PHF24: variants seen among roughly 807,000 people sequenced by gnomAD.
The protein encoded by PHF24 is PHD finger protein 24.
In PHF24, 25 loss-of-function variants were observed where a neutral mutation model predicts 42.6. The observed-to-expected ratio is 0.59, with a 90% CI of 0.43 to 0.82. The LOEUF is 0.82. Among genes scored for constraint, PHF24 ranks in the 40% least tolerant of loss-of-function variants. The probability of loss-of-function intolerance (pLI) is 0.00; values close to 1 mark genes in which losing one functional copy is unlikely to be tolerated. For missense variants in PHF24, 470 were observed against 538.1 expected, an observed-to-expected ratio of 0.87 and a Z score of 1.25; for synonymous variants, 185 against 204.8, an observed-to-expected ratio of 0.90 and a Z score of 0.83.
At chr9:34,697,831 TTC>T in the PHF24 span, among the ~76,000 whole-genome samples, 1 of 152,238 alleles carries the variant, frequency 6.6e-6, no homozygotes, top group Non-Finnish European at 1.5e-5. Context: ...ACTGTGTGGC[TTC>T]TTTAATAGGC....
chr9:34,872,613 A>C, the PHF24 span, among the ~76,000 whole-genome samples: 3 of 140,280 alleles, frequency 2.1e-5, no homozygotes, highest in African/African-American at 7.9e-5. Flanking sequence ...TCATTGTTGG[A>C]CATTTGGGTT....
chr9:34,865,072 A>G, the PHF24 span, among the ~76,000 whole-genome samples: 1 of 147,650 alleles, frequency 6.8e-6, no homozygotes, highest in East Asian at 2.0e-4. Flanking sequence ...CCAGCTACTC[A>G]GGAGGCTGAG....
At chr9:34,864,890 G>A in the PHF24 span, among the ~76,000 whole-genome samples, 7 of 152,166 alleles carry the variant, frequency 4.6e-5, no homozygotes, top group Admixed American at 2.6e-4. Context: ...AAAAGCAGAG[G>A]GACAGGCCAG....
At chr9:34,969,766 A>G (rs976852592) in intron 1 of PHF24, among the ~76,000 whole-genome samples, 4 of 152,198 alleles carry the variant, frequency 2.6e-5, no homozygotes, top group African/African-American at 9.7e-5. Flanking sequence ...CTCAGTCAGT[A>G]TTATTCCTGC....
exon 8 of PHF24, chr9:34,981,513 C>T (rs1827389585): frequency 1.3e-5 from 2 of 152,252 alleles, no homozygotes; most frequent in African/African-American, 2.4e-5. Flanking sequence ...GGCCCCAGGC[C>T]AGCCAGGCCC....
At chr9:34,829,337 G>C in the PHF24 span, among the ~76,000 whole-genome samples, 4 of 152,084 alleles carry the variant, frequency 2.6e-5, no homozygotes, top group South Asian at 8.3e-4. Flanking sequence ...TATAGGTTGA[G>C]ATGAATATTT....
the PHF24 span, among the ~76,000 whole-genome samples, chr9:34,863,373 G>A: frequency 2.7e-3 from 403 of 152,038 alleles, 19 homozygotes; most frequent in East Asian, 0.071. Flanking sequence ...CCCAGTGGTG[G>A]TGGCCACAGG....
chr9:34,773,579 C>G, the PHF24 span, among the ~76,000 whole-genome samples: 1 of 152,136 alleles, frequency 6.6e-6, no homozygotes, highest in Non-Finnish European at 1.5e-5. Context: ...CAAGTCTACA[C>G]TGATATAAAT....
At chr9:34,945,934 C>T in the PHF24 span, among the ~76,000 whole-genome samples, 5 of 152,226 alleles carry the variant, frequency 3.3e-5, no homozygotes, top group African/African-American at 1.2e-4. Context: ...AGTAGCCTGT[C>T]AAAGGAGTCC....
At chr9:34,829,054 T>C in the PHF24 span, among the ~76,000 whole-genome samples, 4 of 152,152 alleles carry the variant, frequency 2.6e-5, no homozygotes, top group African/African-American at 7.2e-5. Flanking sequence ...GGGGACGTTA[T>C]GATGCTACTG....
At chr9:34,826,591 A>G in the PHF24 span, among the ~76,000 whole-genome samples, 1 of 152,190 alleles carries the variant, frequency 6.6e-6, no homozygotes, top group East Asian at 1.9e-4. Flanking sequence ...CCTGCCCTCA[A>G]CAACTCAGCG....
the PHF24 span, among the ~76,000 whole-genome samples, chr9:34,718,919 CG>C: frequency 2.0e-5 from 3 of 152,228 alleles, no homozygotes; most frequent in Non-Finnish European, 4.4e-5. Context: ...TCTAGAAGGT[CG>C]GGGCCATTCA....
At chr9:34,747,331 G>A in the PHF24 span, among the ~76,000 whole-genome samples, 11 of 152,160 alleles carry the variant, frequency 7.2e-5, no homozygotes, top group South Asian at 6.2e-4. Context: ...TGCACGGATC[G>A]CTTGAGCCCA....
At chr9:34,823,803 G>T in the PHF24 span, among the ~76,000 whole-genome samples, 29 of 152,110 alleles carry the variant, frequency 1.9e-4, no homozygotes, top group African/African-American at 6.8e-4. Context: ...TGAGGCAGCC[G>T]AGAAGAGACT....
chr9:34,813,219 A>G, the PHF24 span, among the ~76,000 whole-genome samples: 3 of 151,732 alleles, frequency 2.0e-5, no homozygotes, highest in Admixed American at 6.6e-5. Context: ...TCTTCCTCCT[A>G]CCTCTGCTTG....
the PHF24 span, among the ~76,000 whole-genome samples, chr9:34,938,790 A>T: frequency 6.7e-6 from 1 of 149,984 alleles, no homozygotes; most frequent in Admixed American, 6.7e-5. Flanking sequence ...AAAAAAAATT[A>T]GTCAGGCGTG....
the PHF24 span, among the ~76,000 whole-genome samples, chr9:34,875,390 G>T: frequency 1.4e-4 from 21 of 152,160 alleles, no homozygotes; most frequent in Admixed American, 6.5e-4. Context: ...CAAACTGCAG[G>T]TCCAGGCCTA....
At chr9:34,899,286 C>T in the PHF24 span, among the ~76,000 whole-genome samples, 1 of 152,202 alleles carries the variant, frequency 6.6e-6, no homozygotes, top group Non-Finnish European at 1.5e-5. Flanking sequence ...TTCTAGAAAA[C>T]TTGCTTTAAG....
upstream of PHF24, among the ~76,000 whole-genome samples, chr9:34,953,894 CCT>C (rs1192646085): frequency 1.3e-5 from 2 of 152,126 alleles, no homozygotes; most frequent in Non-Finnish European, 2.9e-5. The surrounding 1 kb of genome is among the most constrained non-coding windows in gnomAD (Gnocchi z 4.1). Context: ...TGTGATTGCG[CCT>C]CTCCACTCCA....
Sources: gnomAD v4.1 joint callset for allele counts (sites outside exome capture counted in the v4.1 genomes callset) on GRCh38, gnomAD v4.1.1 for gene constraint, Gnocchi (gnomAD v3.1) non-coding constraint, MANE v1.5 for transcripts, NCBI Gene and HGNC (gene_info 2026-07-23, HGNC 2026-07-21) for gene names.